Variants in IL1R1 observed in about 807,000 individuals in gnomAD.
IL1R1 encodes the protein interleukin-1 receptor type 1.
Under a neutral mutation model 50.2 loss-of-function variants are expected in IL1R1, and 22 were observed. The observed-to-expected ratio is 0.44, with a 90% CI of 0.31 to 0.63. The LOEUF is 0.63. IL1R1 is among the 20% of genes least tolerant of loss of function. The pLI, the probability that IL1R1 is intolerant of heterozygous loss-of-function variation, is 0.07. For missense variants in IL1R1, 509 were observed against 676.2 expected (o/e 0.75, Z 2.74); for synonymous variants, 251 against 236.7 (o/e 1.06, Z -0.55).
At chr2:102,173,895 G>T (rs538866392) in intron 9 of IL1R1, among the ~76,000 whole-genome samples, 1 of 152,154 alleles carries the variant, frequency 6.6e-6, no homozygotes, top group African/African-American at 2.4e-5. Flanking sequence ...ACTTAAGACC[G>T]TAAGTGTGAA....
intron 1 of IL1R1, among the ~76,000 whole-genome samples, chr2:102,150,419 T>C (rs757382071): frequency 2.6e-5 from 4 of 152,234 alleles, no homozygotes; most frequent in South Asian, 2.1e-4. Context: ...AATTTCTACT[T>C]TTGTAATTTG....
chr2:102,125,089 C>T (rs1681629274), intron 1 of IL1R1, among the ~76,000 whole-genome samples: 1 of 152,200 alleles, frequency 6.6e-6, no homozygotes, highest in African/African-American at 2.4e-5. Flanking sequence ...TATCCTCACC[C>T]TTGCGGCTTG....
intron 1 of IL1R1, among the ~76,000 whole-genome samples, chr2:102,077,370 C>T (rs1335435954): frequency 2.0e-5 from 3 of 152,142 alleles, no homozygotes; most frequent in Non-Finnish European, 2.9e-5. Flanking sequence ...GGCACCCGGC[C>T]GAAGTTTACT....
intron 2 of IL1R1, among the ~76,000 whole-genome samples, chr2:102,157,427 G>A (rs1311610331): frequency 6.6e-6 from 1 of 152,106 alleles, no homozygotes. Context: ...AATTTAAATG[G>A]GGTCCAAGAC....
intron 1 of IL1R1, among the ~76,000 whole-genome samples, chr2:102,117,878 C>T (rs770199344): frequency 6.6e-6 from 1 of 151,844 alleles, no homozygotes; most frequent in Admixed American, 6.6e-5. Context: ...CCGTCAAAAT[C>T]AGTCCTCTGG....
At chr2:102,099,698 A>G (rs1368892943), upstream of IL1R1, among the ~76,000 whole-genome samples, 3 of 152,184 alleles carry the variant, frequency 2.0e-5, no homozygotes, top group Non-Finnish European at 2.9e-5. Flanking sequence ...CAGGGCAACT[A>G]CAGCCTCCTA....
At chr2:102,124,529 C>A (rs1681586338) in intron 1 of IL1R1, among the ~76,000 whole-genome samples, 1 of 151,734 alleles carries the variant, frequency 6.6e-6, no homozygotes, top group South Asian at 2.1e-4. Flanking sequence ...CCTCGGGAAA[C>A]TTATAATCAT....
intron 7 of IL1R1, among the ~76,000 whole-genome samples, chr2:102,169,426 A>G (rs768555399): frequency 6.6e-6 from 1 of 152,254 alleles, no homozygotes; most frequent in African/African-American, 2.4e-5. Context: ...CACATTAGCC[A>G]TATTTCAAGG....
chr2:102,107,687 T>C (rs1208655615), intron 1 of IL1R1, among the ~76,000 whole-genome samples: 1 of 152,222 alleles, frequency 6.6e-6, no homozygotes, highest in Non-Finnish European at 1.5e-5. Flanking sequence ...GGCAAAGGTA[T>C]ATTTTGTTGT....
chr2:102,076,103 A>T (rs1678944719), intron 1 of IL1R1, among the ~76,000 whole-genome samples: 1 of 151,662 alleles, frequency 6.6e-6, no homozygotes, highest in South Asian at 2.1e-4. Flanking sequence ...TGCTTCAGTT[A>T]TGTTTTGAAA....
intron 1 of IL1R1, among the ~76,000 whole-genome samples, chr2:102,116,684 G>A (rs1422621637): frequency 2.0e-5 from 3 of 152,134 alleles, no homozygotes; most frequent in Non-Finnish European, 4.4e-5. Context: ...CAATGTTAGA[G>A]GATACAAACA....
At chr2:102,129,696 C>T (rs1273251184) in intron 1 of IL1R1, among the ~76,000 whole-genome samples, 2 of 152,198 alleles carry the variant, frequency 1.3e-5, no homozygotes, top group African/African-American at 2.4e-5. Context: ...CTCTTCTGAC[C>T]TCTTGGCCTG....
intron 3 of IL1R1, among the ~76,000 whole-genome samples, chr2:102,162,714 C>A (rs1246850226): frequency 2.6e-5 from 4 of 151,330 alleles, no homozygotes; most frequent in Non-Finnish European, 5.9e-5. Context: ...TGAACTTTGC[C>A]CTATTATTTC....
chr2:102,118,940 C>CT (rs1681243635), intron 1 of IL1R1, among the ~76,000 whole-genome samples: 1 of 147,430 alleles, frequency 6.8e-6, no homozygotes, highest in South Asian at 2.1e-4. Flanking sequence ...ATGGTATGAA[C>CT]CTGGGAAGCA....
intron 10 of IL1R1, 99 bp downstream of exon 10, chr2:102,174,829 A>G (rs1392225794): frequency 2.0e-6 from 2 of 986,906 alleles, no homozygotes; most frequent in Non-Finnish European, 2.9e-6. Flanking sequence ...GAGGGTTTCT[A>G]AAATGAAAAG....
At chr2:102,172,625 G>C (rs553188477) in intron 8 of IL1R1, 62 bp from the exon 9 acceptor site, 2 of 1,407,148 alleles carry the variant, frequency 1.4e-6, no homozygotes, top group East Asian at 2.3e-5. Context: ...AGGGTATACA[G>C]GTCTTATTTG....
intron 11 of IL1R1, chr2:102,176,027 C>T (rs188083389): frequency 2.2e-6 from 1 of 448,796 alleles, no homozygotes; most frequent in East Asian, 4.0e-5. Context: ...TTGAGTTAGT[C>T]TATAAAATGG....
chr2:102,126,742 T>C (rs1681731604), intron 1 of IL1R1, among the ~76,000 whole-genome samples: 1 of 152,172 alleles, frequency 6.6e-6, no homozygotes, highest in African/African-American at 2.4e-5. Context: ...AGGTTATAGC[T>C]AATTCCCAGG....
intron 1 of IL1R1, among the ~76,000 whole-genome samples, chr2:102,118,715 G>C (rs1187041922): frequency 6.6e-6 from 1 of 152,078 alleles, no homozygotes; most frequent in African/African-American, 2.4e-5. Flanking sequence ...GTGGAGTGCA[G>C]GTATAGAAAA....
Sources: allele counts gnomAD v4.1 joint callset (sites outside exome capture counted in the v4.1 genomes callset), GRCh38; gene constraint gnomAD v4.1.1; transcripts MANE v1.5; gene names NCBI Gene and HGNC (gene_info 2026-07-23, HGNC 2026-07-21).